Variants in PPARGC1A observed in about 807,000 individuals in gnomAD.
PPARGC1A encodes the protein peroxisome proliferator-activated receptor gamma coactivator 1-alpha.
A neutral mutation model predicts 88.7 loss-of-function variants in PPARGC1A; 25 were observed. The observed-to-expected ratio is 0.28, with a 90% confidence interval of 0.21 to 0.39. The LOEUF (loss-of-function observed/expected upper bound fraction) is 0.39. Ranked by LOEUF, PPARGC1A falls within the 10% of genes least tolerant of loss-of-function variation. The pLI is 1.00. For synonymous variants in PPARGC1A, 363 were observed against 355.6 expected, an observed-to-expected ratio of 1.02 and a Z score of -0.24; for missense variants, 880 against 968.7, an observed-to-expected ratio of 0.91 and a Z score of 1.22.
the PPARGC1A span, among the ~76,000 whole-genome samples, chr4:24,420,205 A>C: frequency 6.6e-6 from 1 of 152,228 alleles, no homozygotes; most frequent in Non-Finnish European, 1.5e-5. Flanking sequence ...AACCTAATTC[A>C]GTTCATTTTA....
chr4:23,852,860 A>G (rs12374408), intron 2 of PPARGC1A, among the ~76,000 whole-genome samples: 110,144 of 152,028 alleles, frequency 0.72, 40,149 homozygotes, highest in Non-Finnish European at 0.74. Context: ...AGGCATATGC[A>G]TGTGTGCGTG....
At chr4:24,100,542 G>C in the PPARGC1A span, among the ~76,000 whole-genome samples, 89 of 152,278 alleles carry the variant, frequency 5.8e-4, no homozygotes, top group Non-Finnish European at 1.0e-3. Context: ...CTGATGACAA[G>C]TGCATGACGC....
upstream of PPARGC1A, among the ~76,000 whole-genome samples, chr4:23,906,998 G>C (rs1194098252): frequency 1.3e-5 from 2 of 152,122 alleles, no homozygotes; most frequent in African/African-American, 2.4e-5. Flanking sequence ...CTAAGCTCCA[G>C]AGTGCCTGGG....
chr4:23,946,966 G>A, the PPARGC1A span, among the ~76,000 whole-genome samples: 1 of 152,100 alleles, frequency 6.6e-6, no homozygotes, highest in East Asian at 1.9e-4. Flanking sequence ...GCCCAATCAT[G>A]CACTATCTGC....
At chr4:24,407,467 C>G in the PPARGC1A span, among the ~76,000 whole-genome samples, 2 of 152,244 alleles carry the variant, frequency 1.3e-5, no homozygotes, top group Admixed American at 6.5e-5. Context: ...CAATCATTCT[C>G]CAACATTGGG....
chr4:23,824,108 G>T (rs1044524718), intron 7 of PPARGC1A, among the ~76,000 whole-genome samples, 172 bp downstream of exon 7: 1 of 65,046 alleles, frequency 1.5e-5, no homozygotes, highest in Admixed American at 1.6e-4. Flanking sequence ...TTTTTTATTA[G>T]TTTTTTTTTT....
chr4:24,362,105 A>T, the PPARGC1A span, among the ~76,000 whole-genome samples: 1 of 152,214 alleles, frequency 6.6e-6, no homozygotes, highest in African/African-American at 2.4e-5. Flanking sequence ...AATATTCTTC[A>T]CATTGTTGTC....
At chr4:24,234,103 C>T in the PPARGC1A span, among the ~76,000 whole-genome samples, 3 of 152,132 alleles carry the variant, frequency 2.0e-5, no homozygotes, top group East Asian at 1.9e-4. Context: ...ATAATTAGCC[C>T]GTGTTGTAAT....
chr4:24,217,356 C>T, the PPARGC1A span, among the ~76,000 whole-genome samples: 12 of 152,148 alleles, frequency 7.9e-5, no homozygotes. Context: ...TAGACCATTC[C>T]ATACCGTCAT....
the PPARGC1A span, among the ~76,000 whole-genome samples, chr4:24,400,433 A>G: frequency 6.6e-6 from 1 of 152,174 alleles, no homozygotes; most frequent in African/African-American, 2.4e-5. Flanking sequence ...CAGGTTCTTC[A>G]GTTTTGGGAC....
the PPARGC1A span, among the ~76,000 whole-genome samples, chr4:24,062,144 T>C: frequency 6.6e-6 from 1 of 152,124 alleles, no homozygotes; most frequent in South Asian, 2.1e-4. Flanking sequence ...ATTAAAAACC[T>C]AAGAAACAAA....
the PPARGC1A span, among the ~76,000 whole-genome samples, chr4:24,384,796 A>T: frequency 2.0e-5 from 3 of 152,174 alleles, no homozygotes; most frequent in Non-Finnish European, 4.4e-5. Flanking sequence ...TAATAGTGGG[A>T]GACTTTAACA....
At chr4:24,171,014 C>G in the PPARGC1A span, among the ~76,000 whole-genome samples, 1 of 152,114 alleles carries the variant, frequency 6.6e-6, no homozygotes, top group Non-Finnish European at 1.5e-5. Flanking sequence ...TTTCTTCTGC[C>G]TGGAATGCTC....
chr4:24,156,150 C>T, the PPARGC1A span, among the ~76,000 whole-genome samples: 50 of 152,184 alleles, frequency 3.3e-4, no homozygotes, highest in East Asian at 1.5e-3. Context: ...TTCAAATCAA[C>T]GACACAGCTG....
the PPARGC1A span, among the ~76,000 whole-genome samples, chr4:24,009,150 A>AAAAAAAAAAAAAAAAGAG: frequency 1.3e-5 from 1 of 79,798 alleles, no homozygotes; most frequent in African/African-American, 5.9e-5. Context: ...AAAAAAAAAA[A>AAAAAAAAAAAAAAAAGAG]AGAGAGAGAA....
At chr4:24,016,636 G>A in the PPARGC1A span, among the ~76,000 whole-genome samples, 1 of 152,086 alleles carries the variant, frequency 6.6e-6, no homozygotes, top group East Asian at 1.9e-4. Flanking sequence ...GCCCACAAGA[G>A]TTATGAATAT....
At chr4:24,303,699 A>G in the PPARGC1A span, among the ~76,000 whole-genome samples, 1 of 152,230 alleles carries the variant, frequency 6.6e-6, no homozygotes, top group Non-Finnish European at 1.5e-5. Flanking sequence ...AATCAATTTT[A>G]ATCACAATTC....
At chr4:23,979,842 C>T in the PPARGC1A span, among the ~76,000 whole-genome samples, 3 of 152,148 alleles carry the variant, frequency 2.0e-5, no homozygotes, top group African/African-American at 7.2e-5. Context: ...AGTGCTATTG[C>T]TGAGGACAGG....
chr4:24,021,543 T>C, the PPARGC1A span, among the ~76,000 whole-genome samples: 4 of 91,410 alleles, frequency 4.4e-5, no homozygotes, highest in African/African-American at 1.4e-4. Flanking sequence ...GTGGGGGGCA[T>C]AGATATATCA....
Sources: allele counts gnomAD v4.1 joint callset (sites outside exome capture counted in the v4.1 genomes callset), GRCh38; gene constraint gnomAD v4.1.1; transcripts MANE v1.5; gene names NCBI Gene and HGNC (gene_info 2026-07-23, HGNC 2026-07-21).